The following CYTH3 variants were observed in gnomAD, a reference collection of about 807,000 sequenced individuals.
The protein encoded by CYTH3 is cytohesin 3, also known as cytohesin-3.
CYTH3 carries 23 observed loss-of-function variants against 55.1 expected under a neutral mutation model. The observed-to-expected ratio is 0.42, with a 90% CI of 0.30 to 0.59. The LOEUF (loss-of-function observed/expected upper bound fraction) is 0.59. Ranked by LOEUF, CYTH3 falls within the 20% of genes least tolerant of loss-of-function variation. The pLI, the probability that CYTH3 is intolerant of heterozygous loss-of-function variation, is 0.20. For missense variants in CYTH3, 413 were observed against 524.8 expected (o/e 0.79, Z 2.08); for synonymous variants, 249 against 194.9 (o/e 1.28, Z -2.31).
intron 4 of CYTH3, among the ~76,000 whole-genome samples, chr7:6,184,704 G>C (rs945952523): frequency 6.6e-5 from 10 of 152,004 alleles, no homozygotes; most frequent in Admixed American, 3.3e-4. Context: ...TCAGCCTCCC[G>C]AGTAGCTGGG....
chr7:6,229,038 C>T (rs1369454683), intron 1 of CYTH3, among the ~76,000 whole-genome samples: 1 of 152,036 alleles, frequency 6.6e-6, no homozygotes, highest in African/African-American at 2.4e-5. Flanking sequence ...ATAACCACAC[C>T]CCCTCTGAGC....
At chr7:6,249,067 G>C (rs976772505) in intron 1 of CYTH3, among the ~76,000 whole-genome samples, 1 of 151,980 alleles carries the variant, frequency 6.6e-6, no homozygotes, top group Non-Finnish European at 1.5e-5. Flanking sequence ...CATCCATCTG[G>C]AGGTCCTTGC....
chr7:6,258,265 A>T (rs1780182880), intron 1 of CYTH3, among the ~76,000 whole-genome samples: 1 of 151,670 alleles, frequency 6.6e-6, no homozygotes, highest in Non-Finnish European at 1.5e-5. Context: ...AAGAGCCATG[A>T]TCATGCCACT....
chr7:6,224,601 C>G (rs1779192687), intron 1 of CYTH3, among the ~76,000 whole-genome samples: 1 of 152,214 alleles, frequency 6.6e-6, no homozygotes, highest in African/African-American at 2.4e-5. Flanking sequence ...AACCATCATA[C>G]ATTGCTGGCG....
chr7:6,182,681 A>T (rs529537176), intron 4 of CYTH3, among the ~76,000 whole-genome samples: 27 of 151,798 alleles, frequency 1.8e-4, no homozygotes, highest in East Asian at 1.7e-3. Flanking sequence ...TTATTTTTTT[A>T]AAAAAACTGT....
chr7:6,192,352 G>C (rs1783820492), intron 1 of CYTH3, among the ~76,000 whole-genome samples: 2 of 151,672 alleles, frequency 1.3e-5, no homozygotes, highest in African/African-American at 4.8e-5. Context: ...CAAGTAGCTA[G>C]GATTACAGAC....
Position 6,170,406 on chromosome 7 carries a change from A to G in CYTH3, c.823+129T>C. ...AGCTACCGAGAGCGGGCTCTGGCTT[A>G]ACCGCGTTTCTTTTTAACGTCTCTG... On this transcript the variant is annotated intron_variant, in intron 9 of 12. Coordinates refer to ENST00000350796, the MANE Select transcript of CYTH3 (RefSeq NM_004227.4). The surrounding 1 kb of genome is among the most constrained non-coding windows in gnomAD (Gnocchi z 7.8). 1 of 841,490 alleles carries G rather than the reference A, an allele frequency of 1.2e-6. No individual in the cohort carries two copies. The allele number at this position is 841,490 out of a possible 1,614,324, so 52.1% of individuals were successfully genotyped here.
At chr7:6,233,829 C>T (rs1348346937) in intron 1 of CYTH3, among the ~76,000 whole-genome samples, 1 of 152,116 alleles carries the variant, frequency 6.6e-6, no homozygotes, top group African/African-American at 2.4e-5. Context: ...CAATTTCTTA[C>T]AAGTTCTGGA....
intron 1 of CYTH3, among the ~76,000 whole-genome samples, chr7:6,243,286 A>C (rs1779720590): frequency 6.6e-6 from 1 of 152,184 alleles, no homozygotes. Flanking sequence ...ATAGAGGAGC[A>C]GGTCTGTGAA....
Position 6,162,384 on chromosome 7 carries a change from T to G in CYTH3, c.*2560A>C, listed in dbSNP as rs909076352. 2 of 152,102 alleles carry G rather than the reference T, an allele frequency of 1.3e-5. No homozygotes were observed. Among genetic ancestry groups the G allele is most frequent in the African/African-American group, 4.8e-5 (2 of 41,402 alleles). The allele number at this position is 152,102 out of a possible 1,614,324, so 9.4% of individuals were successfully genotyped here. A position where few individuals can be genotyped will look rare whatever the true frequency, so the allele number is the denominator to read the frequency against. ...TGGAAAAAAGTATCTTTGGCCAGAG[T>G]TGGGACTAACAATTCAAGCCCTGCG... On this transcript the variant is annotated 3_prime_UTR_variant, in exon 13 of 13. Coordinates refer to ENST00000350796, the MANE Select transcript of CYTH3 (RefSeq NM_004227.4).
intron 1 of CYTH3, among the ~76,000 whole-genome samples, chr7:6,255,648 G>C (rs1232091908): frequency 6.6e-6 from 1 of 151,964 alleles, no homozygotes; most frequent in Non-Finnish European, 1.5e-5. Flanking sequence ...GGGGACATCA[G>C]GAGAAAACAG....
At chr7:6,172,619 C>T (rs947736876) in intron 6 of CYTH3, 98 of 824,752 alleles carry the variant, frequency 1.2e-4, no homozygotes, top group Non-Finnish European at 1.3e-4. Flanking sequence ...GCCAGGCTCC[C>T]ACGGCTGTGG....
intron 1 of CYTH3, among the ~76,000 whole-genome samples, chr7:6,259,801 ATATATATATAT>A (rs1780285306): frequency 4.1e-5 from 1 of 24,102 alleles, no homozygotes; most frequent in Non-Finnish European, 5.8e-5. Flanking sequence ...ATATATATAT[ATATATATATAT>A]AATATATATA....
At chr7:6,238,927 A>AAT (rs1562404815) in intron 1 of CYTH3, among the ~76,000 whole-genome samples, 3 of 149,218 alleles carry the variant, frequency 2.0e-5, no homozygotes, top group Non-Finnish European at 2.9e-5. Flanking sequence ...ATAATAATAA[A>AAT]AAAAAGCCAA....
intron 1 of CYTH3, among the ~76,000 whole-genome samples, chr7:6,225,256 T>C (rs938404829): frequency 6.6e-6 from 1 of 152,302 alleles, no homozygotes; most frequent in South Asian, 2.1e-4. Context: ...TACTATCACA[T>C]ATCCAATGAA....
chr7:6,165,942 G>T, intron 9 of CYTH3, 132 bp from the exon 10 acceptor site: 1 of 824,130 alleles, frequency 1.2e-6, no homozygotes, highest in Non-Finnish European at 1.9e-6. Flanking sequence ...GGGTTCAGGT[G>T]TCCTTCAGCG....
chr7:6,171,532 G>GT lies in CYTH3; in HGVS notation c.450-219dup, dbSNP rs1206175172. ...ACGCTTACTGATGGCTCATCTTTTT[G>GT]TAACTACAACCAATTCAGCAGCGAG... On this transcript the variant is annotated intron_variant, in intron 6 of 12. Coordinates refer to ENST00000350796, the MANE Select transcript of CYTH3 (RefSeq NM_004227.4). This position sits in a 1 kb window ranked among gnomAD's most constrained non-coding sequence, Gnocchi z 6.7. Among the ~76,000 whole-genome samples, 2 of 152,066 alleles carry GT rather than the reference G, an allele frequency of 1.3e-5. No homozygotes were observed. The highest frequency in any genetic ancestry group is 2.9e-5 in the Non-Finnish European group (2 of 67,998).
intron 5 of CYTH3, among the ~76,000 whole-genome samples, chr7:6,175,149 T>C (rs1783310690): frequency 6.6e-6 from 1 of 152,242 alleles, no homozygotes; most frequent in South Asian, 2.1e-4. Flanking sequence ...TTTCTATTTT[T>C]TGTAGAGGCA....
At chr7:6,194,178 G>T (rs953253210) in intron 1 of CYTH3, among the ~76,000 whole-genome samples, 4 of 152,182 alleles carry the variant, frequency 2.6e-5, no homozygotes, top group African/African-American at 9.7e-5. Context: ...AAGCAAAAAG[G>T]GATAAAAGTG....
Sources: allele counts gnomAD v4.1 joint callset (sites outside exome capture counted in the v4.1 genomes callset), GRCh38; gene constraint gnomAD v4.1.1; non-coding constraint Gnocchi (gnomAD v3.1); transcripts MANE v1.5; gene names NCBI Gene and HGNC (gene_info 2026-07-23, HGNC 2026-07-21).